LRRC1: variants seen among roughly 807,000 people sequenced by gnomAD.
The protein encoded by LRRC1 is leucine rich repeat containing 1.
Under a neutral mutation model 69.9 loss-of-function variants are expected in LRRC1, and 28 were observed. The observed-to-expected ratio is 0.40, with a 90% CI of 0.30 to 0.55. The LOEUF is 0.55. LRRC1 is among the 20% of genes least tolerant of loss of function. LRRC1 has a pLI of 0.47. For synonymous variants in LRRC1, 236 were observed against 240.2 expected (o/e 0.98, Z 0.16); for missense variants, 498 against 609.0 (o/e 0.82, Z 1.92).
At chr6:53,912,410 A>C (rs1193535156) in intron 10 of LRRC1, among the ~76,000 whole-genome samples, 1 of 152,230 alleles carries the variant, frequency 6.6e-6, no homozygotes, top group African/African-American at 2.4e-5. Context: ...AAATATAAAA[A>C]TGTATTTAGG....
intron 9 of LRRC1, 100 bp downstream of exon 9, chr6:53,902,847 C>T: frequency 4.1e-6 from 3 of 734,218 alleles, no homozygotes; most frequent in Admixed American, 2.5e-5. Context: ...CATATTACAT[C>T]CCAAAACGGT....
At chr6:53,868,762 C>A (rs1022002370) in intron 2 of LRRC1, among the ~76,000 whole-genome samples, 1 of 152,192 alleles carries the variant, frequency 6.6e-6, no homozygotes, top group East Asian at 1.9e-4. Context: ...AGAGATCTTT[C>A]CAGCCTTCTC....
Position 53,899,923 on chromosome 6 carries a change from T to TA in LRRC1, c.787+33dup, listed in dbSNP as rs758197105. The TA allele has an allele frequency of 3.8e-6, 6 of 1,595,614 alleles. No homozygotes were observed. In the African/African-American group the frequency reaches 8.1e-5, roughly 22 times the overall value. On this transcript the variant is annotated intron_variant, in intron 8 of 13. Transcript: ENST00000370888. The stretch of plus-strand genomic sequence containing the variant: ...ATTGGAAATCACTAACTGCTAAACA[T>TA]ACTGCCTGCCGTCGTCTTGAGGGTT...
intron 1 of LRRC1, among the ~76,000 whole-genome samples, chr6:53,810,318 T>C (rs997165095): frequency 5.3e-5 from 8 of 152,192 alleles, no homozygotes; most frequent in African/African-American, 1.7e-4. Flanking sequence ...TGTTTCAAAG[T>C]ATTCTTAAAA....
chr6:53,886,194 A>T (rs561721604), intron 4 of LRRC1, among the ~76,000 whole-genome samples: 3 of 152,316 alleles, frequency 2.0e-5, no homozygotes, highest in Non-Finnish European at 1.5e-5. Context: ...AAACTGCGAC[A>T]TCAAGTGAAA....
intron 1 of LRRC1, among the ~76,000 whole-genome samples, chr6:53,811,853 G>A (rs889150653): frequency 2.0e-5 from 3 of 152,342 alleles, no homozygotes; most frequent in East Asian, 1.9e-4. Context: ...AGGCCCTGTC[G>A]ATTGGGTGGC....
chr6:53,814,329 T>A (rs1357300590), intron 1 of LRRC1, among the ~76,000 whole-genome samples: 1 of 152,238 alleles, frequency 6.6e-6, no homozygotes, highest in Non-Finnish European at 1.5e-5. Context: ...ATGCATATTT[T>A]GCCCTTAAAT....
At chr6:53,903,687 G>A (rs929402444) in intron 9 of LRRC1, among the ~76,000 whole-genome samples, 1 of 152,162 alleles carries the variant, frequency 6.6e-6, no homozygotes, top group Non-Finnish European at 1.5e-5. Flanking sequence ...GATGTGGGTG[G>A]GGAGCCCAGC....
intron 1 of LRRC1, among the ~76,000 whole-genome samples, chr6:53,828,915 T>C (rs1479306392): frequency 6.6e-6 from 1 of 152,268 alleles, no homozygotes; most frequent in Non-Finnish European, 1.5e-5. Context: ...ATATTTTTGC[T>C]CTTGAAAAGC....
intron 4 of LRRC1, among the ~76,000 whole-genome samples, chr6:53,895,724 C>T (rs1329780587): frequency 1.3e-5 from 2 of 152,204 alleles, no homozygotes; most frequent in Non-Finnish European, 2.9e-5. Flanking sequence ...CACTGCCTGT[C>T]AAGATTTGCC....
At position 53,894,935 on chromosome 6, in the gene LRRC1, CT is replaced by C. The variant is rs563962682; in HGVS notation, c.447-1549del. Among the ~76,000 whole-genome samples the C allele has an allele frequency of 5.3e-3, 745 of 141,382 alleles. 6 individuals are homozygous for C. The highest frequency in any genetic ancestry group is 0.042 in the East Asian group (201 of 4,812). The allele number at this position is 141,382 out of a possible 152,430, so 92.8% of individuals were successfully genotyped here. The stretch of plus-strand genomic sequence containing the variant: ...ACATATTAGCGGGGAGTTTTTTTTT[CT>C]TTTTTTTTTTTTTGAGATGGAGTCT... On this transcript the variant is annotated intron_variant, in intron 4 of 13. Coordinates refer to ENST00000370888, the MANE Select transcript of LRRC1 (RefSeq NM_018214.5).
intron 4 of LRRC1, 34 bp downstream of exon 4, chr6:53,883,010 G>A (rs754599534): frequency 1.5e-6 from 2 of 1,334,238 alleles, no homozygotes; most frequent in South Asian, 2.4e-5. Context: ...GTGGATCAGG[G>A]TGAAAGGGGG....
intron 2 of LRRC1, among the ~76,000 whole-genome samples, chr6:53,863,396 A>G (rs1158815039): frequency 6.6e-6 from 1 of 152,214 alleles, no homozygotes; most frequent in African/African-American, 2.4e-5. Flanking sequence ...ATCTCATCCC[A>G]AGAGCCTGTT....
intron 2 of LRRC1, among the ~76,000 whole-genome samples, chr6:53,849,061 C>CTTT (rs569737865): frequency 4.6e-5 from 6 of 130,654 alleles, no homozygotes; most frequent in African/African-American, 1.2e-4. Flanking sequence ...CCGGCCTATG[C>CTTT]TTTTTTTTTT....
intron 2 of LRRC1, among the ~76,000 whole-genome samples, chr6:53,872,931 A>G (rs1486308652): frequency 6.6e-6 from 1 of 151,316 alleles, no homozygotes; most frequent in East Asian, 1.9e-4. Flanking sequence ...TAATTTTTGT[A>G]TTTTTAGTAG....
At chr6:53,882,254 AG>A (rs1043130706) in intron 3 of LRRC1, among the ~76,000 whole-genome samples, 17 of 152,228 alleles carry the variant, frequency 1.1e-4, no homozygotes, top group Admixed American at 1.1e-3. Flanking sequence ...AAGCTAAGGC[AG>A]GAGACTCGCT....
intron 1 of LRRC1, among the ~76,000 whole-genome samples, chr6:53,828,263 G>A (rs572969087): frequency 2.0e-5 from 3 of 152,116 alleles, no homozygotes; most frequent in African/African-American, 4.8e-5. Flanking sequence ...TGTTGGAAAG[G>A]AGCACAGAGA....
At chr6:53,877,549 C>T (rs1309259148) in intron 2 of LRRC1, among the ~76,000 whole-genome samples, 3 of 152,154 alleles carry the variant, frequency 2.0e-5, no homozygotes, top group African/African-American at 2.4e-5. Flanking sequence ...GCACCCAAGT[C>T]ACCTCTTGAA....
intron 10 of LRRC1, among the ~76,000 whole-genome samples, chr6:53,913,076 T>G (rs1395998814): frequency 6.6e-6 from 1 of 152,180 alleles, no homozygotes; most frequent in Admixed American, 6.5e-5. Flanking sequence ...AAGACCAGAC[T>G]CATACAAAAC....
Sources: allele counts gnomAD v4.1 joint callset (sites outside exome capture counted in the v4.1 genomes callset), GRCh38; gene constraint gnomAD v4.1.1; transcripts MANE v1.5; gene names NCBI Gene and HGNC (gene_info 2026-07-23, HGNC 2026-07-21).